CASD1: variants seen among roughly 807,000 people sequenced by gnomAD.
CASD1 encodes the protein CAS1 domain sialic acid O acetyltransferase 1.
A neutral mutation model predicts 100.0 loss-of-function variants in CASD1; 41 were observed. That is an observed-to-expected ratio of 0.41 (90% CI 0.32 to 0.53). The LOEUF is 0.53. Ranked by LOEUF, CASD1 falls within the 20% of genes least tolerant of loss-of-function variation. The probability of loss-of-function intolerance (pLI) is 0.25; values close to 1 mark genes in which losing one functional copy is unlikely to be tolerated. For synonymous variants in CASD1, 321 were observed against 315.6 expected (o/e 1.02, Z -0.18); for missense variants, 774 against 948.7 (o/e 0.82, Z 2.42).
chr7:94,618,161 A>G, the CASD1 span: 1 of 152,506 alleles, frequency 6.6e-6, no homozygotes, highest in African/African-American at 2.4e-5. Flanking sequence ...TTTCAAATGC[A>G]TTATCTCACT....
intron 10 of CASD1, 68 bp downstream of exon 10, chr7:94,539,124 A>G: frequency 1.1e-6 from 1 of 878,400 alleles, no homozygotes; most frequent in Non-Finnish European, 1.8e-6. Context: ...CTTTAAGGGC[A>G]CCAGCTTTTT....
intron 5 of CASD1, 86 bp from the exon 6 acceptor site, chr7:94,533,119 T>G (rs1794930976): frequency 4.4e-6 from 4 of 916,444 alleles, no homozygotes; most frequent in Non-Finnish European, 6.7e-6. Context: ...AGAACTTACA[T>G]TTTAAGGAAA....
chr7:94,544,117 C>G (rs749591264), intron 10 of CASD1, among the ~76,000 whole-genome samples: 12 of 152,110 alleles, frequency 7.9e-5, no homozygotes, highest in Non-Finnish European at 1.5e-4. Context: ...CTCATTCATC[C>G]TTCACAAGAA....
chr7:94,595,263 T>C, the CASD1 span, among the ~76,000 whole-genome samples: 1 of 152,196 alleles, frequency 6.6e-6, no homozygotes, highest in Admixed American at 6.5e-5. Flanking sequence ...TTGTGAGTTC[T>C]CTATAACTTT....
At chr7:94,533,656 G>T in intron 6 of CASD1, 23 bp from the exon 7 acceptor site, 1 of 1,555,024 alleles carries the variant, frequency 6.4e-7, no homozygotes, top group South Asian at 1.2e-5. Context: ...CTAAATTAAT[G>T]CATAATTTGT....
chr7:94,552,497 A>G lies in CASD1; in HGVS notation c.2034+70A>G, dbSNP rs76278222. 2,827 of 1,142,964 alleles carry G rather than the reference A, an allele frequency of 2.5e-3. 48 individuals carry two copies. In the African/African-American group the frequency reaches 0.04, roughly 16 times the overall value. The allele number at this position is 1,142,964 out of a possible 1,614,324, so 70.8% of individuals were successfully genotyped here. A position where few individuals can be genotyped will look rare whatever the true frequency, so the allele number is the denominator to read the frequency against. On this transcript the variant is annotated intron_variant, in intron 16 of 17. Transcript: ENST00000297273. ...AAGAAAATGGTTTTTAGAGGCAGAG[A>G]GATTTGAGATTGAACTCCAGAAAAT...
At chr7:94,541,546 T>C (rs1199670297) in intron 10 of CASD1, among the ~76,000 whole-genome samples, 1 of 136,546 alleles carries the variant, frequency 7.3e-6, no homozygotes, top group Non-Finnish European at 1.6e-5. Flanking sequence ...GGTTTTTTTT[T>C]TTTTTTTTTT....
At chr7:94,621,667 G>A in the CASD1 span, 4 of 152,300 alleles carry the variant, frequency 2.6e-5, no homozygotes, top group Admixed American at 6.5e-5. Context: ...GATGGTCCAA[G>A]GCCACTGTAG....
At chr7:94,629,817 T>C in the CASD1 span, 2 of 1,610,810 alleles carry the variant, frequency 1.2e-6, no homozygotes, top group South Asian at 1.1e-5. Context: ...CCGATCGGAG[T>C]GTACCTTGGA....
At chr7:94,562,991 C>T in the CASD1 span, among the ~76,000 whole-genome samples, 6 of 151,946 alleles carry the variant, frequency 3.9e-5, no homozygotes, top group South Asian at 2.1e-4. Context: ...TAAGAGACAC[C>T]GGAACAACCT....
chr7:94,613,975 A>G, the CASD1 span, among the ~76,000 whole-genome samples: 1 of 152,086 alleles, frequency 6.6e-6, no homozygotes, highest in Non-Finnish European at 1.5e-5. Context: ...AGCAAAACAC[A>G]TATAATAAAA....
intron 12 of CASD1, among the ~76,000 whole-genome samples, chr7:94,546,792 A>G (rs1217717573): frequency 6.6e-6 from 1 of 151,880 alleles, no homozygotes; most frequent in East Asian, 1.9e-4. Flanking sequence ...TTTTGCTGTA[A>G]CTTTGAATAA....
intron 12 of CASD1, among the ~76,000 whole-genome samples, chr7:94,546,066 C>T (rs1201248336): frequency 6.6e-6 from 1 of 151,718 alleles, no homozygotes; most frequent in Non-Finnish European, 1.5e-5. Context: ...CCTCCATGCC[C>T]CTATGTTTTG....
chr7:94,598,818 CTG>C, the CASD1 span: 6 of 1,613,490 alleles, frequency 3.7e-6, no homozygotes, highest in Non-Finnish European at 4.2e-6. Context: ...TCATAGTTGT[CTG>C]TGTGTAAAGG....
At chr7:94,551,172 T>C (rs1020751756) in intron 14 of CASD1, among the ~76,000 whole-genome samples, 166 bp from the exon 15 acceptor site, 5 of 152,174 alleles carry the variant, frequency 3.3e-5, no homozygotes, top group Admixed American at 6.6e-5. Context: ...AATCATCGGC[T>C]TTATTTCATT....
chr7:94,603,280 A>G, the CASD1 span: 1 of 1,607,796 alleles, frequency 6.2e-7, no homozygotes, highest in Non-Finnish European at 8.5e-7. Flanking sequence ...AAAACAAAAT[A>G]AAAACTTACC....
the CASD1 span, among the ~76,000 whole-genome samples, chr7:94,582,375 G>A: frequency 6.6e-6 from 1 of 152,100 alleles, no homozygotes; most frequent in Non-Finnish European, 1.5e-5. Context: ...TGCCCGCCTC[G>A]GCCTCCCAAA....
chr7:94,572,952 A>G, the CASD1 span, among the ~76,000 whole-genome samples: 2 of 152,316 alleles, frequency 1.3e-5, no homozygotes, highest in East Asian at 3.9e-4. Context: ...GCATATGGCT[A>G]GGCAGTTATC....
chr7:94,627,701 C>T, the CASD1 span: 3 of 155,430 alleles, frequency 1.9e-5, no homozygotes, highest in Non-Finnish European at 4.3e-5. Flanking sequence ...GCAGTTATTA[C>T]AGTGTTGGCT....
Sources: gnomAD v4.1 joint callset for allele counts (sites outside exome capture counted in the v4.1 genomes callset) on GRCh38, gnomAD v4.1.1 for gene constraint, MANE v1.5 for transcripts, NCBI Gene and HGNC (gene_info 2026-07-23, HGNC 2026-07-21) for gene names.